The following TNFSF4 variants were observed in gnomAD, a reference collection of about 807,000 sequenced individuals.
The protein encoded by TNFSF4 is tumor necrosis factor ligand superfamily member 4.
Under a neutral mutation model 7.3 loss-of-function variants are expected in TNFSF4, and 4 were observed. The observed-to-expected ratio is 0.55, with a 90% CI of 0.27 to 1.25. TNFSF4 has a LOEUF of 1.25. Ranked by LOEUF, TNFSF4 falls within the 50% of genes most tolerant of loss-of-function variation. The pLI is 0.12. For synonymous variants in TNFSF4, 76 were observed against 83.7 expected, an observed-to-expected ratio of 0.91 and a Z score of 0.50; for missense variants, 181 against 208.8, an observed-to-expected ratio of 0.87 and a Z score of 0.82.
the TNFSF4 span, among the ~76,000 whole-genome samples, chr1:173,234,258 A>T: frequency 6.6e-6 from 1 of 152,216 alleles, no homozygotes; most frequent in Non-Finnish European, 1.5e-5. Flanking sequence ...ATACGATCTC[A>T]CACCAGTTAG....
chr1:173,206,873 G>T, intron 1 of TNFSF4, 151 bp downstream of exon 1: 3 of 834,308 alleles, frequency 3.6e-6, no homozygotes, highest in Non-Finnish European at 5.2e-6. Context: ...AGACAGAAGG[G>T]CGTTTAACCA....
chr1:173,352,288 C>G, the TNFSF4 span, among the ~76,000 whole-genome samples: 1 of 152,160 alleles, frequency 6.6e-6, no homozygotes, highest in Non-Finnish European at 1.5e-5. Flanking sequence ...CTGCTGTGAC[C>G]ATGTTAGTCA....
chr1:173,198,550 C>T (rs1019505781), intron 1 of TNFSF4, among the ~76,000 whole-genome samples: 1 of 152,178 alleles, frequency 6.6e-6, no homozygotes, highest in Admixed American at 6.5e-5. Context: ...ACGCAGGAGG[C>T]GGAGCTTGCA....
At chr1:173,414,593 T>A in the TNFSF4 span, among the ~76,000 whole-genome samples, 35 of 152,348 alleles carry the variant, frequency 2.3e-4, no homozygotes, top group African/African-American at 8.4e-4. Context: ...GTCTTTCTTA[T>A]CAAATCTTGG....
the TNFSF4 span, among the ~76,000 whole-genome samples, chr1:173,434,327 G>C: frequency 6.6e-6 from 1 of 152,040 alleles, no homozygotes; most frequent in South Asian, 2.1e-4. Flanking sequence ...TGTCCCTATT[G>C]AACCTCATAC....
the TNFSF4 span, among the ~76,000 whole-genome samples, chr1:173,247,056 C>T: frequency 6.6e-6 from 1 of 152,126 alleles, no homozygotes; most frequent in South Asian, 2.1e-4. Flanking sequence ...CCTACCAAAC[C>T]TTGTCTCAGA....
In TNFSF4 at chr1:173,185,608, G is replaced by A. The variant is rs1649188880; in HGVS notation, c.*908C>T. 6.6e-6 allele frequency: 1 copy of A among 152,176 alleles called. No homozygotes were observed. Among genetic ancestry groups the A allele is most frequent in the African/African-American group, 2.4e-5 (1 of 41,440 alleles). The allele number at this position is 152,176 out of a possible 1,614,324, so 9.4% of individuals were successfully genotyped here. ...CGTATCTCAGCATAGGCAGGAGGAT[G>A]AGCATGTGTTGCTTTGCCTGTCTGT... On this transcript the variant is annotated 3_prime_UTR_variant, in exon 3 of 3. Coordinates refer to ENST00000281834, the MANE Select transcript of TNFSF4 (RefSeq NM_003326.5).
At chr1:173,286,703 G>C in the TNFSF4 span, among the ~76,000 whole-genome samples, 4 of 151,906 alleles carry the variant, frequency 2.6e-5, no homozygotes, top group African/African-American at 9.7e-5. Context: ...TTCTTAAACA[G>C]GACATAAAAT....
chr1:173,326,460 A>G, the TNFSF4 span, among the ~76,000 whole-genome samples: 2 of 152,210 alleles, frequency 1.3e-5, no homozygotes, highest in Non-Finnish European at 2.9e-5. Context: ...CTGGCACAAG[A>G]CAGGGATGCC....
chr1:173,445,979 C>T, the TNFSF4 span, among the ~76,000 whole-genome samples: 9 of 152,084 alleles, frequency 5.9e-5, no homozygotes, highest in Admixed American at 5.2e-4. Flanking sequence ...AATAAGCAAA[C>T]AATCTTCCAA....
the TNFSF4 span, among the ~76,000 whole-genome samples, chr1:173,411,133 G>A: frequency 8.0e-4 from 122 of 152,262 alleles, 1 homozygote; most frequent in Non-Finnish European, 9.4e-4. Flanking sequence ...ATATCACTTT[G>A]CCCATGGTCA....
the TNFSF4 span, among the ~76,000 whole-genome samples, chr1:173,287,667 A>G: frequency 2.0e-5 from 3 of 152,222 alleles, no homozygotes; most frequent in Admixed American, 2.0e-4. Flanking sequence ...AACTGGAAAC[A>G]ACTGAAATGA....
the TNFSF4 span, among the ~76,000 whole-genome samples, chr1:173,297,723 A>G: frequency 6.6e-6 from 1 of 152,098 alleles, no homozygotes; most frequent in African/African-American, 2.4e-5. Flanking sequence ...AGATAAATGA[A>G]TGAATGAATG....
At chr1:173,275,968 A>T in the TNFSF4 span, among the ~76,000 whole-genome samples, 1 of 152,166 alleles carries the variant, frequency 6.6e-6, no homozygotes, top group Non-Finnish European at 1.5e-5. Context: ...ATTAAATAAG[A>T]AAAACAATAA....
intron 1 of TNFSF4, among the ~76,000 whole-genome samples, chr1:173,197,868 T>C (rs1405024322): frequency 6.6e-6 from 1 of 152,010 alleles, no homozygotes; most frequent in Non-Finnish European, 1.5e-5. Context: ...GAAAAGAAAG[T>C]CAATTGACCA....
At chr1:173,212,562 G>T in the TNFSF4 span, among the ~76,000 whole-genome samples, 1 of 150,978 alleles carries the variant, frequency 6.6e-6, no homozygotes, top group African/African-American at 2.4e-5. Flanking sequence ...GAGGAGGTGG[G>T]GATGGTTAGT....
At chr1:173,352,402 C>A in the TNFSF4 span, among the ~76,000 whole-genome samples, 1 of 152,160 alleles carries the variant, frequency 6.6e-6, no homozygotes, top group Admixed American at 6.5e-5. Context: ...CCCTAAGTGT[C>A]AGCCAGTCTT....
At position 173,185,365 on chromosome 1, in the gene TNFSF4, T is replaced by A. The variant is rs1057028934; in HGVS notation, c.*1151A>T. ...CTAAACATAAGGGGATACTATTCCA[T>A]TGAAGCCCTGGCATAGGCTGATTAT... On this transcript the variant is annotated 3_prime_UTR_variant, in exon 3 of 3. Coordinates refer to ENST00000281834, the MANE Select transcript of TNFSF4 (RefSeq NM_003326.5). 6.6e-6 allele frequency: 1 copy of A among 152,206 alleles called. No homozygotes were observed. Among genetic ancestry groups the A allele is most frequent in the South Asian group, 2.1e-4 (1 of 4,822 alleles). 9.4% of individuals were successfully genotyped at this position (152,206 alleles called of 1,614,324 possible). A position where few individuals can be genotyped will look rare whatever the true frequency, so the allele number is the denominator to read the frequency against.
the TNFSF4 span, among the ~76,000 whole-genome samples, chr1:173,178,156 CAT>C: frequency 7.2e-5 from 11 of 152,152 alleles, no homozygotes; most frequent in South Asian, 8.3e-4. Context: ...GTAAAAATCA[CAT>C]GTTTCATAGT....
Sources: gnomAD v4.1 joint callset for allele counts (sites outside exome capture counted in the v4.1 genomes callset) on GRCh38, gnomAD v4.1.1 for gene constraint, MANE v1.5 for transcripts, NCBI Gene and HGNC (gene_info 2026-07-23, HGNC 2026-07-21) for gene names.